The following DNAH6 variants were observed in gnomAD, a reference collection of about 807,000 sequenced individuals.
DNAH6 encodes the protein axonemal beta dynein heavy chain 6.
DNAH6 carries 340 observed loss-of-function variants against 491.4 expected under a neutral mutation model. The ratio of observed to expected loss-of-function variants is 0.69; its 90% CI spans 0.63 to 0.76. The LOEUF is 0.76. Among genes scored for constraint, DNAH6 ranks in the 30% least tolerant of loss-of-function variants. The pLI, the probability that DNAH6 is intolerant of heterozygous loss-of-function variation, is 0.00. For synonymous variants in DNAH6, 1,603 were observed against 1,686.1 expected (o/e 0.95, Z 1.21); for missense variants, 4,443 against 4,972.2 (o/e 0.89, Z 3.20).
At chr2:84,572,988 C>G (rs2103943457) in intron 11 of DNAH6, among the ~76,000 whole-genome samples, 1 of 152,236 alleles carries the variant, frequency 6.6e-6, no homozygotes, top group Middle Eastern at 3.4e-3. Context: ...TTTATTATGG[C>G]AAAGTATGAA....
At position 84,653,805 on chromosome 2, in the gene DNAH6, T is replaced by C. The variant is rs1690686621; in HGVS notation, c.5565T>C (p.Asp1855=). Residue 1855 remains aspartate (D), a synonymous_variant, in exon 34 of 77, where the codon GAT becomes GAC. Coordinates refer to ENST00000389394, the MANE Select transcript of DNAH6 (RefSeq NM_001370.2). ...WIENMNTVLD[D]NKMLCLANSE... Reference sequence around the variant, plus strand: ...AAAACATGAATACAGTGCTGGATGATAACAAGATGCTTTGCCTGGCTAACA... The same window carrying C: ...AAAACATGAATACAGTGCTGGATGACAACAAGATGCTTTGCCTGGCTAACA... The C allele has an allele frequency of 3.2e-6, 5 of 1,551,500 alleles. No individual in the cohort carries two copies. Among genetic ancestry groups the C allele is most frequent in the East Asian group, 2.4e-5 (1 of 40,922 alleles).
At chr2:84,691,151 G>A (rs2104778190) in intron 45 of DNAH6, among the ~76,000 whole-genome samples, 1 of 152,208 alleles carries the variant, frequency 6.6e-6, no homozygotes, top group Admixed American at 6.5e-5. Context: ...TCTTACTAGG[G>A]GAAGTTTTCA....
chr2:84,548,645 T>A (rs1361573178), intron 8 of DNAH6, among the ~76,000 whole-genome samples: 3 of 149,632 alleles, frequency 2.0e-5, no homozygotes, highest in Non-Finnish European at 3.0e-5. Flanking sequence ...AAAAAAAAAA[T>A]GGAACCCTTC....
chr2:84,738,085 G>A (rs1020578695), intron 62 of DNAH6, among the ~76,000 whole-genome samples: 1 of 151,894 alleles, frequency 6.6e-6, no homozygotes, highest in African/African-American at 2.4e-5. Flanking sequence ...TTTTACTTGT[G>A]CCTTGATTTC....
At chr2:84,508,760 C>T in the DNAH6 span, among the ~76,000 whole-genome samples, 2 of 152,012 alleles carry the variant, frequency 1.3e-5, no homozygotes, top group Non-Finnish European at 2.9e-5. Flanking sequence ...GATTCTGGTA[C>T]GTTGTGTCTT....
intron 62 of DNAH6, among the ~76,000 whole-genome samples, chr2:84,735,579 G>A (rs554685750): frequency 6.6e-6 from 1 of 152,144 alleles, no homozygotes; most frequent in East Asian, 1.9e-4. Context: ...TTTAATAATA[G>A]CCTTTCTGAT....
At chr2:84,464,164 G>C in the DNAH6 span, among the ~76,000 whole-genome samples, 9 of 152,102 alleles carry the variant, frequency 5.9e-5, no homozygotes, top group Non-Finnish European at 1.2e-4. Context: ...CCAAGCTACT[G>C]CTGCATCATC....
At chr2:84,782,469 G>C (rs1573795609) in intron 65 of DNAH6, among the ~76,000 whole-genome samples, 1 of 152,238 alleles carries the variant, frequency 6.6e-6, no homozygotes, top group East Asian at 1.9e-4. Context: ...TTTATTTAGT[G>C]CTGCTTATTA....
intron 14 of DNAH6, among the ~76,000 whole-genome samples, chr2:84,582,965 C>CT (rs1208318917): frequency 3.9e-5 from 6 of 152,200 alleles, no homozygotes; most frequent in Non-Finnish European, 5.9e-5. Context: ...TTTGATGCTC[C>CT]TTGGTTCAGC....
chr2:84,468,534 AACTTT>A, the DNAH6 span, among the ~76,000 whole-genome samples: 1 of 152,200 alleles, frequency 6.6e-6, no homozygotes, highest in African/African-American at 2.4e-5. Context: ...CTGGCTTTTG[AACTTT>A]ACCAAAGATA....
intron 48 of DNAH6, among the ~76,000 whole-genome samples, chr2:84,699,969 T>A (rs550107679): frequency 6.3e-4 from 96 of 152,316 alleles, no homozygotes; most frequent in African/African-American, 2.1e-3. Flanking sequence ...TGACAAAATC[T>A]GTTTCAATGG....
chr2:84,587,354 AC>A (rs150170412), intron 15 of DNAH6, among the ~76,000 whole-genome samples: 1,959 of 152,312 alleles, frequency 0.013, 23 homozygotes, highest in Non-Finnish European at 0.019. Flanking sequence ...CCAATCTGAT[AC>A]TGATTGGCAT....
chr2:84,770,989 C>CA lies in DNAH6; in HGVS notation c.10703+8057dup, dbSNP rs576040557. ...TATGTGGCAGAGCAAGATCCTCTGT[C>CA]AAAAAAAAAAAAATGGGGGCCCAGC... is the stretch of plus-strand genomic sequence containing the variant. On this transcript the variant is annotated intron_variant, in intron 64 of 76. Transcript: ENST00000389394. Among the ~76,000 whole-genome samples, 725 of 126,918 alleles carry CA rather than the reference C, an allele frequency of 5.7e-3. 4 individuals carry two copies. Among genetic ancestry groups the CA allele is most frequent in the Non-Finnish European group, 7.4e-3 (442 of 59,490 alleles). The allele number at this position is 126,918 out of a possible 152,430, so 83.3% of individuals were successfully genotyped here. A position where few individuals can be genotyped will look rare whatever the true frequency, so the allele number is the denominator to read the frequency against.
chr2:84,596,532 T>C (rs1684598730), intron 18 of DNAH6, among the ~76,000 whole-genome samples: 1 of 152,096 alleles, frequency 6.6e-6, no homozygotes, highest in Non-Finnish European at 1.5e-5. Flanking sequence ...GGTTTCACTA[T>C]GTTGGTCAGG....
intron 76 of DNAH6, among the ~76,000 whole-genome samples, chr2:84,818,803 G>C (rs182257769): frequency 6.6e-6 from 1 of 152,246 alleles, no homozygotes; most frequent in Admixed American, 6.5e-5. Flanking sequence ...GCTGGGTGCA[G>C]TGGCTCATGC....
At chr2:84,778,320 G>A (rs1453412835) in intron 64 of DNAH6, 10 of 469,926 alleles carry the variant, frequency 2.1e-5, no homozygotes, top group African/African-American at 1.2e-4. Flanking sequence ...TGGCTCCAGC[G>A]CCTGGCTTTA....
intron 3 of DNAH6, among the ~76,000 whole-genome samples, chr2:84,527,722 G>A (rs1466594035): frequency 6.6e-6 from 1 of 152,114 alleles, no homozygotes; most frequent in Non-Finnish European, 1.5e-5. Flanking sequence ...CTTCAGCTCT[G>A]AACTTGCTAG....
chr2:84,668,797 A>G (rs1196701237), intron 37 of DNAH6, among the ~76,000 whole-genome samples: 1 of 148,396 alleles, frequency 6.7e-6, no homozygotes, highest in East Asian at 2.0e-4. Flanking sequence ...GCAAGTAGAA[A>G]TGAGCCATCC....
At chr2:84,742,502 A>G (rs1672620353) in intron 62 of DNAH6, among the ~76,000 whole-genome samples, 1 of 152,166 alleles carries the variant, frequency 6.6e-6, no homozygotes, top group Admixed American at 6.5e-5. Context: ...GAGACCAGAG[A>G]TGCTACTACA....
Sources: allele counts gnomAD v4.1 joint callset (sites outside exome capture counted in the v4.1 genomes callset), GRCh38; gene constraint gnomAD v4.1.1; transcripts MANE v1.5; gene names NCBI Gene and HGNC (gene_info 2026-07-23, HGNC 2026-07-21).